MAPK8IP3: variants seen among roughly 807,000 people sequenced by gnomAD.
MAPK8IP3 encodes C-Jun-amino-terminal kinase-interacting protein 3.
MAPK8IP3 carries 49 observed loss-of-function variants against 157.8 expected under a neutral mutation model. That is an observed-to-expected ratio of 0.31 (90% CI 0.25 to 0.39). MAPK8IP3 has a LOEUF of 0.39. Ranked by LOEUF, MAPK8IP3 falls within the 10% of genes least tolerant of loss-of-function variation. The pLI, the probability that MAPK8IP3 is intolerant of heterozygous loss-of-function variation, is 1.00. For missense variants in MAPK8IP3, 1,478 were observed against 1,889.4 expected (o/e 0.78, Z 4.04); for synonymous variants, 897 against 777.7 (o/e 1.15, Z -2.55).
rs778489140 is a variant in MAPK8IP3 at position 1,767,921 on chromosome 16, G to A, written c.3523+3G>A. 1 of 1,610,632 alleles carries A rather than the reference G, an allele frequency of 6.2e-7. No individual in the cohort carries two copies. The highest frequency in any genetic ancestry group is 8.5e-7 in the Non-Finnish European group (1 of 1,179,644). On this transcript the variant is annotated splice_donor_region_variant and intron_variant, in intron 28 of 31. Coordinates refer to ENST00000610761, the MANE Select transcript of MAPK8IP3 (RefSeq NM_001318852.2). The stretch of plus-strand genomic sequence containing the variant: ...CATCTCCATCCCCCTGACAGAGAGT[G>A]AGTGGCCTGCACACCTGCAGGGGCA...
Position 1,766,133 on chromosome 16 carries a change from A to G in MAPK8IP3, c.2620A>G (p.Lys874Glu). ...SSRGDTPVLDKGQGEVATIAN... is the reference protein window; with the variant it reads ...SSRGDTPVLDEGQGEVATIAN... Reference sequence around the variant, plus strand: ...CCGAGGGGACACCCCAGTGCTAGACAAGGGGCAGGGTGAGTCCTGGGCGAG... The same window carrying G: ...CCGAGGGGACACCCCAGTGCTAGACGAGGGGCAGGGTGAGTCCTGGGCGAG... Residue 874 changes from lysine to glutamate, a missense_variant, in exon 21 of 32, where the codon AAG becomes GAG. Lys to Glu is a moderately conservative substitution (Grantham distance 56). Coordinates refer to ENST00000610761, the MANE Select transcript of MAPK8IP3 (RefSeq NM_001318852.2). 6.2e-7 allele frequency: 1 copy of G among 1,611,108 alleles called. No individual in the cohort carries two copies. Among genetic ancestry groups the G allele is most frequent in the Non-Finnish European group, 8.5e-7 (1 of 1,178,874 alleles).
chr16:1,767,854 C>A lies in MAPK8IP3; in HGVS notation c.3459C>A (p.Val1153=). 6.2e-7 allele frequency: 1 copy of A among 1,611,410 alleles called. No homozygotes were observed. Among genetic ancestry groups the A allele is most frequent in the Non-Finnish European group, 8.5e-7 (1 of 1,179,938 alleles). The change falls in exon 28 of 32, where the codon GTC becomes GTA. Residue 1153 remains valine, a synonymous_variant. Coordinates refer to ENST00000610761, the MANE Select transcript of MAPK8IP3 (RefSeq NM_001318852.2). ...TCGTACGCATCACGGCCCTGCTTGT[C>A]GCGGGCAGCCGGCTCTGGGTGGGCA... is the stretch of plus-strand genomic sequence containing the variant. ...FSFVRITALL[V]AGSRLWVGTG... is the part of the protein sequence containing the mutation.
Position 1,766,109 on chromosome 16 carries a change from C to T in MAPK8IP3, c.2596C>T (p.Arg866Ter). Residue 866 changes from arginine (R) to a stop codon, truncating the protein, a stop_gained, in exon 21 of 32, where the codon CGA (arginine) becomes TGA (stop). Coordinates refer to ENST00000610761, the MANE Select transcript of MAPK8IP3 (RefSeq NM_001318852.2). LOFTEE classifies it high-confidence loss of function. ...CNVPRSNCSS[R>*]GDTPVLDKGQ... is the part of the protein sequence containing the mutation. ...CGTGCCGCGGAGCAACTGCTCCTCC[C>T]GAGGGGACACCCCAGTGCTAGACAA... 1 of 1,612,546 alleles carries T rather than the reference C, an allele frequency of 6.2e-7. No homozygotes were observed. Among genetic ancestry groups the T allele is most frequent in the South Asian group, 1.1e-5 (1 of 91,058 alleles).
chr16:1,764,064 GA>G (rs761164875), intron 17 of MAPK8IP3, 50 bp from the exon 18 acceptor site: 2 of 1,507,090 alleles, frequency 1.3e-6, no homozygotes, highest in Non-Finnish European at 1.8e-6. Context: ...TTTCTGGAGG[GA>G]TGGGTAGGAG....
intron 26 of MAPK8IP3, 111 bp from the exon 27 acceptor site, chr16:1,767,453 G>A: frequency 1.3e-6 from 2 of 1,507,170 alleles, no homozygotes; most frequent in Admixed American, 1.8e-5. Context: ...AGCAGGCGCT[G>A]GCTGGGAGGT....
intron 1 of MAPK8IP3, among the ~76,000 whole-genome samples, chr16:1,723,754 T>C (rs905369083): frequency 2.0e-5 from 3 of 152,172 alleles, no homozygotes; most frequent in Admixed American, 1.3e-4. Context: ...TGGGCTGCTG[T>C]AGGAACTACA....
intron 8 of MAPK8IP3, 149 bp downstream of exon 8, chr16:1,748,869 G>C: frequency 1.3e-6 from 1 of 794,298 alleles, no homozygotes; most frequent in Non-Finnish European, 2.2e-6. Flanking sequence ...CGTTTCACAT[G>C]GAATTGTCCC....
Position 1,706,305 on chromosome 16 carries a change from G to A in MAPK8IP3, c.-35G>A. On this transcript the variant is annotated 5_prime_UTR_variant, in exon 1 of 32. Transcript: ENST00000610761. This position sits in a 1 kb window ranked among gnomAD's most constrained non-coding sequence, Gnocchi z 5.1. ...TGGGGAGGGCCGGGCGCGCCGGCCG[G>A]ATAGCGAGCCGCGCTGGCGGCGGCG... 6.6e-7 allele frequency: 1 copy of A among 1,514,242 alleles called. No homozygotes were observed. The highest frequency in any genetic ancestry group is 8.8e-7 in the Non-Finnish European group (1 of 1,131,928). The allele number at this position is 1,514,242 out of a possible 1,614,324, so 93.8% of individuals were successfully genotyped here. A position where few individuals can be genotyped will look rare whatever the true frequency, so the allele number is the denominator to read the frequency against.
intron 8 of MAPK8IP3, among the ~76,000 whole-genome samples, chr16:1,755,313 C>T (rs1280814716): frequency 2.0e-5 from 3 of 152,152 alleles, no homozygotes; most frequent in Admixed American, 6.5e-5. Context: ...CTGACCTCCC[C>T]GTAAACAGCA....
At chr16:1,735,393 ACGTGTGACCGTCCATGTGAGCGTC>A (rs2039613733) in intron 4 of MAPK8IP3, among the ~76,000 whole-genome samples, 1 of 137,814 alleles carries the variant, frequency 7.3e-6, no homozygotes, top group Admixed American at 7.3e-5. Flanking sequence ...TTCGTGTGGA[ACGTGTGACCGTCCATGTGAGCGTC>A]CGTGTGACCA....
At chr16:1,762,199 C>G in intron 13 of MAPK8IP3, 152 bp from the exon 14 acceptor site, 2 of 1,031,252 alleles carry the variant, frequency 1.9e-6, no homozygotes, top group South Asian at 3.4e-5. Flanking sequence ...TTCCCCTCCC[C>G]GCTTGCCGAC....
intron 4 of MAPK8IP3, among the ~76,000 whole-genome samples, chr16:1,740,206 G>A (rs1184528323): frequency 1.4e-5 from 2 of 141,008 alleles, no homozygotes; most frequent in African/African-American, 2.7e-5. Context: ...GTGACCGTCC[G>A]TGTGAGCTTC....
At position 1,741,923 on chromosome 16, in the gene MAPK8IP3, T is replaced by C. The variant is rs116787901; in HGVS notation, c.603-1409T>C. ...GACCCCTTCCCAGGGTCATTCTTCATAGCTCCCCACCCAGGTAGCGGAGCT... is the reference window on the plus strand; with the variant it reads ...GACCCCTTCCCAGGGTCATTCTTCACAGCTCCCCACCCAGGTAGCGGAGCT... On this transcript the variant is annotated intron_variant, in intron 4 of 31. Transcript: ENST00000610761. The surrounding 1 kb of genome is among the most constrained non-coding windows in gnomAD (Gnocchi z 6.9). Among the ~76,000 whole-genome samples the C allele has an allele frequency of 0.017, 2,580 of 152,208 alleles. 23 individuals carry two copies. Among genetic ancestry groups the C allele is most frequent in the Admixed American group, 0.025 (375 of 15,290 alleles).
At chr16:1,753,876 T>C (rs553897263) in intron 8 of MAPK8IP3, among the ~76,000 whole-genome samples, 3 of 152,138 alleles carry the variant, frequency 2.0e-5, no homozygotes, top group Admixed American at 1.3e-4. Flanking sequence ...CGTCTTAGAA[T>C]TGGTATACTA....
chr16:1,743,452 G>A lies in MAPK8IP3; in HGVS notation c.723G>A (p.Gln241=), dbSNP rs970093471. Residue 241 remains glutamine, a synonymous_variant, in exon 5 of 32, where the codon CAG becomes CAA. Coordinates refer to ENST00000610761, the MANE Select transcript of MAPK8IP3 (RefSeq NM_001318852.2). This position sits in a 1 kb window ranked among gnomAD's most constrained non-coding sequence, Gnocchi z 5.6. The part of the protein sequence containing the change: ...GDHWHLSDLG[Q]LQSSSSYQCP... ...ACTGGCACCTGAGTGACCTCGGCCA[G>A]CTGCAGTCCAGCTCCAGCTACCAGG... 5 of 1,609,800 alleles carry A rather than the reference G, an allele frequency of 3.1e-6. No homozygotes were observed. The East Asian group carries it at 9.0e-5, about 29-fold the overall frequency.
rs1289357579 is a variant in MAPK8IP3, at chr16:1,710,137, G to GTC, written c.318+3480_318+3481insTC. 4.6e-5 allele frequency among the ~76,000 whole-genome samples: 7 copies of GTC among 151,284 alleles called. No homozygotes were observed. Among genetic ancestry groups the GTC allele is most frequent in the Non-Finnish European group, 8.8e-5 (6 of 67,838 alleles). Reference sequence around the variant, plus strand: ...CACTTTGGGAGGCTGAGGCAGGCGAGAGATGAGGTCACGCTATGTTGCCCA... The same window carrying GTC: ...CACTTTGGGAGGCTGAGGCAGGCGAGTCAGATGAGGTCACGCTATGTTGCCCA... On this transcript the variant is annotated intron_variant, in intron 1 of 31. Transcript: ENST00000610761. The surrounding 1 kb of genome is among the most constrained non-coding windows in gnomAD (Gnocchi z 4.1).
At position 1,742,236 on chromosome 16, in the gene MAPK8IP3, G is replaced by A. The variant is rs200051152; in HGVS notation, c.603-1096G>A. On this transcript the variant is annotated intron_variant, in intron 4 of 31. Coordinates refer to ENST00000610761, the MANE Select transcript of MAPK8IP3 (RefSeq NM_001318852.2). This position sits in a 1 kb window ranked among gnomAD's most constrained non-coding sequence, Gnocchi z 5.0. The stretch of plus-strand genomic sequence containing the variant: ...CTGGGCTGTTGACTGGAAACCTCCC[G>A]CGGAGGAGGACGTAAAGGGAGACCT... Among the ~76,000 whole-genome samples, 90 of 152,272 alleles carry A rather than the reference G, an allele frequency of 5.9e-4. 2 individuals are homozygous for A. The East Asian group carries it at 7.9e-3, about 13-fold the overall frequency.
chr16:1,738,371 ACCAT>A lies in MAPK8IP3; in HGVS notation c.603-4956_603-4953del, dbSNP rs1489030558. ...GTGTGTGACCATCCGTGTGAGTGTG[ACCAT>A]CCATGTGAGCATCCGTGTGACCGTG... On this transcript the variant is annotated intron_variant, in intron 4 of 31. Transcript: ENST00000610761. 7.3e-5 allele frequency among the ~76,000 whole-genome samples: 6 copies of A among 82,328 alleles called. 1 individual carries two copies. Among genetic ancestry groups the A allele is most frequent in the African/African-American group, 1.0e-4 (2 of 19,210 alleles). 54.0% of individuals were successfully genotyped at this position (82,328 alleles called of 152,430 possible).
At chr16:1,744,515 C>T in intron 5 of MAPK8IP3, 1 of 985,628 alleles carries the variant, frequency 1.0e-6, no homozygotes, top group Non-Finnish European at 1.2e-6. Flanking sequence ...GTGCTCAGGG[C>T]TGGAGAGAGG....
Sources: allele counts gnomAD v4.1 joint callset (sites outside exome capture counted in the v4.1 genomes callset), GRCh38; gene constraint gnomAD v4.1.1; non-coding constraint Gnocchi (gnomAD v3.1); transcripts MANE v1.5; gene names NCBI Gene and HGNC (gene_info 2026-07-23, HGNC 2026-07-21).